Variants in DSCAML1 observed in about 807,000 individuals in gnomAD.
DSCAML1 encodes the protein cell adhesion molecule DSCAML1.
In DSCAML1, 38 loss-of-function variants were observed where a neutral mutation model predicts 200.5. The ratio of observed to expected loss-of-function variants is 0.19; its 90% CI spans 0.15 to 0.25. The LOEUF (loss-of-function observed/expected upper bound fraction) is 0.25, where lower values mean the gene tolerates loss of function less well. DSCAML1 is among the 10% of genes least tolerant of loss of function. The pLI is 1.00. For missense variants in DSCAML1, 2,223 were observed against 2,858.8 expected (o/e 0.78, Z 5.07); for synonymous variants, 1,215 against 1,165.0 (o/e 1.04, Z -0.87).
intron 32 of DSCAML1, among the ~76,000 whole-genome samples, chr11:117,429,931 G>C (rs1001967454): frequency 6.6e-6 from 1 of 152,240 alleles, no homozygotes; most frequent in Non-Finnish European, 1.5e-5. Context: ...ACAGCTAAAA[G>C]GGGTGGGGGT....
At chr11:117,555,384 CGGAGGT>C (rs2050542051) in intron 3 of DSCAML1, among the ~76,000 whole-genome samples, 2 of 152,088 alleles carry the variant, frequency 1.3e-5, no homozygotes, top group Admixed American at 1.3e-4. Flanking sequence ...TCAGGATCTG[CGGAGGT>C]GGATACAGAC....
At chr11:117,792,261 A>G (rs1241031447) in intron 1 of DSCAML1, among the ~76,000 whole-genome samples, 14 of 152,108 alleles carry the variant, frequency 9.2e-5, no homozygotes, top group Non-Finnish European at 1.5e-5. Flanking sequence ...TATGCAGAAA[A>G]ATAATCTGGG....
Position 117,504,173 on chromosome 11 carries a change from C to T in DSCAML1, c.2183-152G>A, listed in dbSNP as rs1565746287. On this transcript the variant is annotated intron_variant, in intron 10 of 32. Coordinates refer to ENST00000651296, the MANE Select transcript of DSCAML1 (RefSeq NM_020693.4). The surrounding 1 kb of genome is among the most constrained non-coding windows in gnomAD (Gnocchi z 5.0). ...CCCAAAGTGCTGAGGCCACATGGCT[C>T]CTGGTGGGCAACAGGAAAGACCCCC... is the stretch of plus-strand genomic sequence containing the variant. 2 of 891,396 alleles carry T rather than the reference C, an allele frequency of 2.2e-6. No individual in the cohort carries two copies. The highest frequency in any genetic ancestry group is 5.4e-5 in the East Asian group (2 of 37,196). The allele number at this position is 891,396 out of a possible 1,614,324, so 55.2% of individuals were successfully genotyped here. A position where few individuals can be genotyped will look rare whatever the true frequency, so the allele number is the denominator to read the frequency against.
At position 117,769,237 on chromosome 11, in the gene DSCAML1, ATTT is replaced by A. The variant is rs1198815223; in HGVS notation, c.511+7551_511+7553del. Among the ~76,000 whole-genome samples the A allele has an allele frequency of 2.9e-4, 10 of 35,042 alleles. No individual in the cohort carries two copies. In the South Asian group the frequency reaches 4.5e-3, roughly 16 times the overall value. The allele number at this position is 35,042 out of a possible 152,430, so 23.0% of individuals were successfully genotyped here. On this transcript the variant is annotated intron_variant, in intron 3 of 32. Coordinates refer to ENST00000651296, the MANE Select transcript of DSCAML1 (RefSeq NM_020693.4). ...TTTATATATATTGTATATATTATAT[ATTT>A]TATATATGTATATATTATATATTTT...
chr11:117,799,162 G>C (rs369358427), upstream of DSCAML1, among the ~76,000 whole-genome samples: 1 of 152,168 alleles, frequency 6.6e-6, no homozygotes, highest in Non-Finnish European at 1.5e-5. Context: ...CCCTCAGCCT[G>C]CTGGCTTATT....
rs952347454 is a variant in DSCAML1, at chr11:117,499,292, C to G, written c.2359+4553G>C. Among the ~76,000 whole-genome samples, 3 of 152,038 alleles carry G rather than the reference C, an allele frequency of 2.0e-5. No individual in the cohort carries two copies. In the East Asian group the frequency reaches 5.8e-4, roughly 29 times the overall value. On this transcript the variant is annotated intron_variant, in intron 11 of 32. Transcript: ENST00000651296. Reference sequence around the variant, plus strand: ...TTCTGTTAACTAAATTTATTTTCAACCAAGTTCTGGGAGGTGGTCTGGTGT... The same window carrying G: ...TTCTGTTAACTAAATTTATTTTCAAGCAAGTTCTGGGAGGTGGTCTGGTGT...
At chr11:117,790,641 T>C (rs4537790) in intron 1 of DSCAML1, among the ~76,000 whole-genome samples, 69,952 of 152,144 alleles carry the variant, frequency 0.46, 16,314 homozygotes, top group Non-Finnish European at 0.51. Context: ...TGCCTCATTC[T>C]GTATACAAAG....
At chr11:117,534,143 C>T (rs575857800) in intron 3 of DSCAML1, among the ~76,000 whole-genome samples, 1 of 152,210 alleles carries the variant, frequency 6.6e-6, no homozygotes, top group Non-Finnish European at 1.5e-5. Flanking sequence ...GCCTAAGTGA[C>T]ATCCCCTCAG....
intron 3 of DSCAML1, 120 bp downstream of exon 3, chr11:117,776,671 A>T (rs899971111): frequency 1.6e-6 from 2 of 1,213,884 alleles, no homozygotes; most frequent in African/African-American, 3.1e-5. Context: ...ATAACAAGTC[A>T]CTCCCCAGAG....
chr11:117,598,858 T>C (rs1380567213), intron 3 of DSCAML1, among the ~76,000 whole-genome samples: 2 of 152,206 alleles, frequency 1.3e-5, no homozygotes, highest in Non-Finnish European at 2.9e-5. Context: ...TTGAGAAGCA[T>C]TCTGACTATC....
chr11:117,688,052 A>G (rs538889242), intron 3 of DSCAML1, among the ~76,000 whole-genome samples: 69 of 152,304 alleles, frequency 4.5e-4, no homozygotes, highest in African/African-American at 1.7e-3. Context: ...GGAAGGAGGG[A>G]GGAAGAAGCG....
In DSCAML1 at chr11:117,709,886, C is replaced by G. The variant is rs566478981; in HGVS notation, c.511+66905G>C. On this transcript the variant is annotated intron_variant, in intron 3 of 32. Transcript: ENST00000651296. ...AGACTGGCCATGAGACAGGTCCAGA[C>G]AGAAGGAGCAGGGGCCTGGCTCAGA... The G allele has an allele frequency of 8.6e-4, 351 of 408,126 alleles. 8 individuals carry two copies. Among genetic ancestry groups the G allele is most frequent in the South Asian group, 6.1e-3 (344 of 56,498 alleles). 25.3% of individuals were successfully genotyped at this position (408,126 alleles called of 1,614,324 possible).
intron 3 of DSCAML1, among the ~76,000 whole-genome samples, chr11:117,729,421 A>G (rs10160584): frequency 0.084 from 12,765 of 152,244 alleles, 930 homozygotes; most frequent in African/African-American, 0.19. Context: ...AAATGGGTAC[A>G]TTGGATTCCA....
chr11:117,505,357 C>T lies in DSCAML1; in HGVS notation c.2062+97G>A. The T allele has an allele frequency of 1.3e-6, 2 of 1,499,550 alleles. No homozygotes were observed. The highest frequency in any genetic ancestry group is 1.9e-5 in the Admixed American group (1 of 52,894). The allele number at this position is 1,499,550 out of a possible 1,614,324, so 92.9% of individuals were successfully genotyped here. ...CCTTCAAGATGCTGGAGCCCACCTT[C>T]CATGAGCCCGTGATTGGAACTGGAA... is the stretch of plus-strand genomic sequence containing the variant. On this transcript the variant is annotated intron_variant, in intron 9 of 32. Coordinates refer to ENST00000651296, the MANE Select transcript of DSCAML1 (RefSeq NM_020693.4). The surrounding 1 kb of genome is among the most constrained non-coding windows in gnomAD (Gnocchi z 6.7).
intron 18 of DSCAML1, among the ~76,000 whole-genome samples, chr11:117,460,713 T>A (rs2048463166): frequency 6.6e-6 from 1 of 152,140 alleles, no homozygotes; most frequent in African/African-American, 2.4e-5. Flanking sequence ...TTCAAAAGTT[T>A]GGGCCATCTT....
At position 117,450,416 on chromosome 11, in the gene DSCAML1, C is replaced by T. The variant is rs936783627; in HGVS notation, c.3708+133G>A. 6 of 1,309,568 alleles carry T rather than the reference C, an allele frequency of 4.6e-6. No homozygotes were observed. The Admixed American group carries it at 7.0e-5, about 15-fold the overall frequency. 81.1% of individuals were successfully genotyped at this position (1,309,568 alleles called of 1,614,324 possible). A position where few individuals can be genotyped will look rare whatever the true frequency, so the allele number is the denominator to read the frequency against. On this transcript the variant is annotated intron_variant, in intron 20 of 32. Transcript: ENST00000651296. ...TCGGCCACTCTGGGTGGCCAGTCCC[C>T]ATTCTTATCTATGAATCCAGGCAGA...
chr11:117,653,854 A>G (rs920564214), intron 3 of DSCAML1, among the ~76,000 whole-genome samples: 1 of 152,198 alleles, frequency 6.6e-6, no homozygotes, highest in Non-Finnish European at 1.5e-5. Flanking sequence ...TTATTTGGCC[A>G]TAAGAAGGAA....
At chr11:117,765,483 A>G (rs2054880754) in intron 3 of DSCAML1, among the ~76,000 whole-genome samples, 1 of 152,128 alleles carries the variant, frequency 6.6e-6, no homozygotes, top group African/African-American at 2.4e-5. Context: ...TCTGTGTAAG[A>G]GCAGCAGTGT....
At chr11:117,788,842 G>A (rs569736721) in intron 1 of DSCAML1, among the ~76,000 whole-genome samples, 15 of 152,336 alleles carry the variant, frequency 9.8e-5, no homozygotes, top group African/African-American at 3.6e-4. Context: ...ATGCCAGGAT[G>A]TGTGGCTCAG....
Sources: gnomAD v4.1 joint callset for allele counts (sites outside exome capture counted in the v4.1 genomes callset) on GRCh38, gnomAD v4.1.1 for gene constraint, Gnocchi (gnomAD v3.1) non-coding constraint, MANE v1.5 for transcripts, NCBI Gene and HGNC (gene_info 2026-07-23, HGNC 2026-07-21) for gene names.